The following PRKN variants were observed in gnomAD, a reference collection of about 807,000 sequenced individuals.
The protein encoded by PRKN is E3 ubiquitin-protein ligase parkin.
In PRKN, 56 loss-of-function variants were observed where a neutral mutation model predicts 59.5. The ratio of observed to expected loss-of-function variants is 0.94; its 90% CI spans 0.76 to 1.18. The LOEUF is 1.18. Among genes scored for constraint, PRKN ranks in the 50% most tolerant of loss-of-function variants. The pLI, the probability that PRKN is intolerant of heterozygous loss-of-function variation, is 0.00. For synonymous variants in PRKN, 250 were observed against 222.1 expected (o/e 1.13, Z -1.12); for missense variants, 657 against 596.4 (o/e 1.10, Z -1.06).
Position 162,316,758 on chromosome 6 carries a change from G to GA in PRKN, c.172-53994dup, listed in dbSNP as rs370731086. Among the ~76,000 whole-genome samples, 724 of 151,442 alleles carry GA rather than the reference G, an allele frequency of 4.8e-3. 5 individuals are homozygous for GA. The highest frequency in any genetic ancestry group is 0.015 in the African/African-American group (607 of 41,310). ...GAGTTACAAAGAGAGTGCAAAAGGG[G>GA]AAAAAAAACATGAATACGACCTCAT... On this transcript the variant is annotated intron_variant, in intron 2 of 11. Coordinates refer to ENST00000366898, the MANE Select transcript of PRKN (RefSeq NM_004562.3).
intron 7 of PRKN, among the ~76,000 whole-genome samples, chr6:161,730,761 GT>G (rs1388286717): frequency 6.6e-6 from 1 of 151,994 alleles, no homozygotes; most frequent in Non-Finnish European, 1.5e-5. Context: ...ATTCTGATGT[GT>G]TGTATTCTTT....
At chr6:162,560,382 C>A (rs1045151106) in intron 1 of PRKN, among the ~76,000 whole-genome samples, 1 of 152,132 alleles carries the variant, frequency 6.6e-6, no homozygotes, top group African/African-American at 2.4e-5. Flanking sequence ...ACTGTCAACA[C>A]ATAACAATTA....
At chr6:161,411,326 A>T (rs1787531333) in intron 9 of PRKN, among the ~76,000 whole-genome samples, 1 of 152,134 alleles carries the variant, frequency 6.6e-6, no homozygotes. Context: ...TGGTTTTATA[A>T]AGGGGAGGTC....
At chr6:162,326,274 G>A (rs117410610) in intron 2 of PRKN, among the ~76,000 whole-genome samples, 3,522 of 152,094 alleles carry the variant, frequency 0.023, 69 homozygotes, top group Non-Finnish European at 0.033. Context: ...GATATTCAGC[G>A]TTCCCAGGGA....
intron 7 of PRKN, among the ~76,000 whole-genome samples, chr6:161,768,926 T>G (rs4299802): frequency 0.53 from 80,894 of 152,026 alleles, 21,789 homozygotes; most frequent in Non-Finnish European, 0.57. Flanking sequence ...CTATTTATAC[T>G]CCTACATATA....
intron 2 of PRKN, among the ~76,000 whole-genome samples, chr6:162,425,494 GA>G (rs2128160775): frequency 6.6e-6 from 1 of 152,240 alleles, no homozygotes; most frequent in South Asian, 2.1e-4. Context: ...CTTAATGGAA[GA>G]ACATTGAAAT....
At chr6:162,059,546 A>G (rs543445356) in intron 4 of PRKN, among the ~76,000 whole-genome samples, 5 of 152,354 alleles carry the variant, frequency 3.3e-5, no homozygotes, top group African/African-American at 4.8e-5. Flanking sequence ...TAGTTTTTAA[A>G]TAGTAGCAAG....
At chr6:161,523,763 T>C (rs1778921693) in intron 9 of PRKN, among the ~76,000 whole-genome samples, 1 of 152,204 alleles carries the variant, frequency 6.6e-6, no homozygotes, top group Non-Finnish European at 1.5e-5. Context: ...CTTAAAATGG[T>C]ATCCTTTTAT....
At chr6:161,602,855 T>A (rs1053617111) in intron 7 of PRKN, among the ~76,000 whole-genome samples, 1 of 152,198 alleles carries the variant, frequency 6.6e-6, no homozygotes, top group African/African-American at 2.4e-5. Flanking sequence ...CAAGATCTAA[T>A]CCTTGCCCTC....
intron 5 of PRKN, among the ~76,000 whole-genome samples, chr6:161,986,574 G>C (rs897361692): frequency 2.6e-5 from 4 of 151,880 alleles, no homozygotes; most frequent in Admixed American, 2.6e-4. Flanking sequence ...GAGCTGGAGT[G>C]GGGTGAGAAC....
intron 2 of PRKN, among the ~76,000 whole-genome samples, chr6:162,376,360 GT>G (rs1786081678): frequency 6.6e-6 from 1 of 152,126 alleles, no homozygotes; most frequent in Non-Finnish European, 1.5e-5. Flanking sequence ...TATATTACCA[GT>G]TTTACACATA....
intron 5 of PRKN, among the ~76,000 whole-genome samples, chr6:162,018,622 T>C (rs144477839): frequency 2.1e-4 from 32 of 152,198 alleles, no homozygotes; most frequent in African/African-American, 6.0e-4. Context: ...ACAATTAGTA[T>C]AGAAAATTGT....
intron 6 of PRKN, among the ~76,000 whole-genome samples, chr6:161,940,956 T>C (rs996022618): frequency 6.6e-6 from 1 of 152,142 alleles, no homozygotes; most frequent in South Asian, 2.1e-4. Flanking sequence ...ACTAACTGCT[T>C]TGGACACAGA....
intron 2 of PRKN, among the ~76,000 whole-genome samples, chr6:162,304,813 G>A: frequency 7.4e-6 from 1 of 134,472 alleles, no homozygotes; most frequent in Non-Finnish European, 1.5e-5. Context: ...CTCCACTCCA[G>A]CTGCTGCTGC....
intron 3 of PRKN, among the ~76,000 whole-genome samples, chr6:162,253,279 A>AAACCTAATCT (rs1554291293): frequency 2.0e-5 from 3 of 149,408 alleles, no homozygotes; most frequent in Non-Finnish European, 4.4e-5. Context: ...AACAGGCAAC[A>AAACCTAATCT]AATCTAATCT....
At chr6:162,144,377 A>C (rs1476446519) in intron 4 of PRKN, among the ~76,000 whole-genome samples, 1 of 152,226 alleles carries the variant, frequency 6.6e-6, no homozygotes, top group African/African-American at 2.4e-5. Flanking sequence ...CACTTTGTAG[A>C]GGTGCTCAAA....
At chr6:162,623,001 AC>A (rs1782739274) in intron 1 of PRKN, among the ~76,000 whole-genome samples, 1 of 152,222 alleles carries the variant, frequency 6.6e-6, no homozygotes, top group African/African-American at 2.4e-5. Flanking sequence ...ACAAAAACAA[AC>A]AAAAAAAACC....
intron 4 of PRKN, among the ~76,000 whole-genome samples, chr6:162,065,748 A>G (rs1292424187): frequency 6.6e-6 from 1 of 151,918 alleles, no homozygotes; most frequent in African/African-American, 2.4e-5. Context: ...AGGCCCCAGT[A>G]TGTGATGTTC....
chr6:161,816,488 A>C (rs1364958815), intron 6 of PRKN, among the ~76,000 whole-genome samples: 3 of 152,166 alleles, frequency 2.0e-5, no homozygotes, highest in African/African-American at 4.8e-5. Flanking sequence ...GCACACTTTC[A>C]ATATGTGTGT....
Sources: gnomAD v4.1 joint callset for allele counts (sites outside exome capture counted in the v4.1 genomes callset) on GRCh38, gnomAD v4.1.1 for gene constraint, MANE v1.5 for transcripts, NCBI Gene and HGNC (gene_info 2026-07-23, HGNC 2026-07-21) for gene names.